The following QRFPR variants were observed in gnomAD, a reference collection of about 807,000 sequenced individuals.
QRFPR encodes pyroglutamylated RFamide peptide receptor, also known as pyroglutamylated RF-amide peptide receptor.
In QRFPR, 37 loss-of-function variants were observed where a neutral mutation model predicts 31.3. That is an observed-to-expected ratio of 1.18 (90% CI 0.91 to 1.56). The LOEUF (loss-of-function observed/expected upper bound fraction) is 1.56, where lower values mean the gene tolerates loss of function less well. Among genes scored for constraint, QRFPR ranks in the 40% most tolerant of loss-of-function variants. The pLI is 0.00. For synonymous variants in QRFPR, 197 were observed against 192.0 expected (o/e 1.03, Z -0.22); for missense variants, 542 against 532.5 (o/e 1.02, Z -0.18).
intron 1 of QRFPR, among the ~76,000 whole-genome samples, chr4:121,380,036 G>A (rs1408046806): frequency 2.0e-5 from 3 of 151,976 alleles, no homozygotes; most frequent in Admixed American, 6.6e-5. Context: ...TAAGCCACAA[G>A]GAGGAAGCAC....
chr4:121,380,767 TC>T lies in QRFPR; in HGVS notation c.-121del. On this transcript the variant is annotated 5_prime_UTR_variant, in exon 1 of 6. Coordinates refer to ENST00000394427, the MANE Select transcript of QRFPR (RefSeq NM_198179.3). Reference sequence around the variant, plus strand: ...CCGCCTCCCTTCCTCTACTCTGGAGTCAGCCGCGCGGGAGGGCTCTAGGCTG... The same window carrying T: ...CCGCCTCCCTTCCTCTACTCTGGAGTAGCCGCGCGGGAGGGCTCTAGGCTG... The T allele has an allele frequency of 1.1e-6, 1 of 937,614 alleles. No individual in the cohort carries two copies. The highest frequency in any genetic ancestry group is 2.7e-5 in the East Asian group (1 of 37,582). The allele number at this position is 937,614 out of a possible 1,614,324, so 58.1% of individuals were successfully genotyped here. A position where few individuals can be genotyped will look rare whatever the true frequency, so the allele number is the denominator to read the frequency against.
Position 121,329,546 on chromosome 4 carries a change from G to T in QRFPR, c.1064C>A (p.Thr355Asn), listed in dbSNP as rs749962394. Residue 355 changes from threonine to asparagine, a missense_variant, in exon 6 of 6, where the codon ACC becomes AAC. Thr to Asn is a moderately conservative substitution (Grantham distance 65). Transcript: ENST00000394427. Reference sequence around the variant, plus strand: ...TCCATGCCTTTGTGCTGGAGAGAAGGTTTTATTTACTATGCAATAACAAAC... The same window carrying T: ...TCCATGCCTTTGTGCTGGAGAGAAGTTTTTATTTACTATGCAATAACAAAC... ...SAVCYCIVNK[T>N]FSPAQRHGNS... 8 of 1,613,674 alleles carry T rather than the reference G, an allele frequency of 5.0e-6. No homozygotes were observed. Among genetic ancestry groups the T allele is most frequent in the Middle Eastern group, 1.7e-4 (1 of 6,056 alleles).
At position 121,352,561 on chromosome 4, in the gene QRFPR, C is replaced by T. The variant is rs61587296; in HGVS notation, c.341-11951G>A. ...GGGGAATTGAAGTTAAAACACTGGCCTAATTTTTTAAAAGTTATTTTTAAT... is the reference window on the plus strand; with the variant it reads ...GGGGAATTGAAGTTAAAACACTGGCTTAATTTTTTAAAAGTTATTTTTAAT... On this transcript the variant is annotated intron_variant, in intron 1 of 5. Coordinates refer to ENST00000394427, the MANE Select transcript of QRFPR (RefSeq NM_198179.3). Among the ~76,000 whole-genome samples the T allele has an allele frequency of 5.7e-3, 870 of 151,982 alleles. 12 individuals are homozygous for T. The highest frequency in any genetic ancestry group is 0.02 in the African/African-American group (838 of 41,466).
In QRFPR at chr4:121,365,248, T is replaced by A. The variant is rs577746592; in HGVS notation, c.340+15060A>T. Among the ~76,000 whole-genome samples, 6 of 146,030 alleles carry A rather than the reference T, an allele frequency of 4.1e-5. No individual in the cohort carries two copies. The Admixed American group carries it at 4.1e-4, about 10-fold the overall frequency. ...GTGGGCGGATCATGAGGTCAGGAGA[T>A]CGAGACTATCCTGGCTAACACAGTG... On this transcript the variant is annotated intron_variant, in intron 1 of 5. Transcript: ENST00000394427.
chr4:121,356,122 T>G (rs1034832953), intron 1 of QRFPR, among the ~76,000 whole-genome samples: 1 of 152,212 alleles, frequency 6.6e-6, no homozygotes, highest in African/African-American at 2.4e-5. Flanking sequence ...GTTGATTTTC[T>G]GTTTAGATGA....
At position 121,363,056 on chromosome 4, in the gene QRFPR, G is replaced by A. The variant is rs552621839; in HGVS notation, c.340+17252C>T. Among the ~76,000 whole-genome samples the A allele has an allele frequency of 1.3e-4, 20 of 150,184 alleles. 2 individuals carry two copies. In the East Asian group the frequency reaches 2.8e-3, roughly 21 times the overall value. On this transcript the variant is annotated intron_variant, in intron 1 of 5. Transcript: ENST00000394427. ...TTAAAGAAGGAGCCAAAACTAGGCC[G>A]GGCAGAGTGGCTCATGCCTGTAATC...
chr4:121,340,636 A>C (rs1216980813), intron 1 of QRFPR, 26 bp from the exon 2 acceptor site: 2 of 1,598,892 alleles, frequency 1.3e-6, no homozygotes, highest in Non-Finnish European at 1.7e-6. Flanking sequence ...AGGACAAATC[A>C]TACATCAAAA....
chr4:121,361,342 A>T (rs887641726), intron 1 of QRFPR, among the ~76,000 whole-genome samples: 4 of 150,092 alleles, frequency 2.7e-5, no homozygotes, highest in Non-Finnish European at 5.9e-5. Context: ...GATGATGTGG[A>T]AGTTAAGCTT....
Position 121,355,519 on chromosome 4 carries a change from T to G in QRFPR, c.341-14909A>C, listed in dbSNP as rs549875153. ...CTGTTCAAGAAAACAACTTTTCCTT[T>G]CATTGATCTTTTGTGTTTTTTAAAA... On this transcript the variant is annotated intron_variant, in intron 1 of 5. Transcript: ENST00000394427. 9.1e-4 allele frequency among the ~76,000 whole-genome samples: 138 copies of G among 152,226 alleles called. 1 individual carries two copies. The highest frequency in any genetic ancestry group is 3.1e-3 in the African/African-American group (128 of 41,572).
In QRFPR at chr4:121,329,121, T is replaced by TCGCCGTATCATTAA; in HGVS notation, c.*192_*193insTTAATGATACGGCG. 8.0e-6 allele frequency: 4 copies of TCGCCGTATCATTAA among 497,822 alleles called. No individual in the cohort carries two copies. Among genetic ancestry groups the TCGCCGTATCATTAA allele is most frequent in the South Asian group, 8.1e-5 (2 of 24,624 alleles). The allele number at this position is 497,822 out of a possible 1,614,324, so 30.8% of individuals were successfully genotyped here. ...AATGAGAAGGAACACAGAAATCTGT[T>TCGCCGTATCATTAA]AAATGATTGTGATCAATTGGTTGTA... On this transcript the variant is annotated 3_prime_UTR_variant, in exon 6 of 6. Transcript: ENST00000394427.
At chr4:121,356,924 G>C (rs1179498041) in intron 1 of QRFPR, among the ~76,000 whole-genome samples, 2 of 151,918 alleles carry the variant, frequency 1.3e-5, no homozygotes, top group East Asian at 3.9e-4. Flanking sequence ...GGGCTGAGAG[G>C]GGGTCTATTC....
chr4:121,329,103 A>T lies in QRFPR; in HGVS notation c.*211T>A. The T allele has an allele frequency of 2.2e-6, 1 of 450,774 alleles. No homozygotes were observed. The highest frequency in any genetic ancestry group is 3.8e-6 in the Non-Finnish European group (1 of 259,992). The allele number at this position is 450,774 out of a possible 1,614,324, so 27.9% of individuals were successfully genotyped here. A position where few individuals can be genotyped will look rare whatever the true frequency, so the allele number is the denominator to read the frequency against. On this transcript the variant is annotated 3_prime_UTR_variant, in exon 6 of 6. Transcript: ENST00000394427. ...GTCAAGTGAAGCAGTGGGAATGAGA[A>T]GGAACACAGAAATCTGTTAAATGAT...
At chr4:121,349,728 T>C (rs1725727888) in intron 1 of QRFPR, among the ~76,000 whole-genome samples, 1 of 152,182 alleles carries the variant, frequency 6.6e-6, no homozygotes, top group Admixed American at 6.5e-5. Flanking sequence ...AACTAAAACA[T>C]AGGAAAGCCA....
intron 1 of QRFPR, among the ~76,000 whole-genome samples, chr4:121,361,422 G>A (rs529769115): frequency 6.7e-6 from 1 of 149,996 alleles, no homozygotes; most frequent in African/African-American, 2.5e-5. Context: ...AGAGAGATAC[G>A]CAGCCATGGT....
chr4:121,368,678 C>CCTGT lies in QRFPR; in HGVS notation c.340+11629_340+11630insACAG, dbSNP rs1377372436. On this transcript the variant is annotated intron_variant, in intron 1 of 5. Transcript: ENST00000394427. ...GGTCCCCTTACTGATAAGGCTGGAGCACAGCACCAGCCATCAACAGGGCCA... is the reference window on the plus strand; with the variant it reads ...GGTCCCCTTACTGATAAGGCTGGAGCCTGTACAGCACCAGCCATCAACAGGGCCA... 1.3e-4 allele frequency among the ~76,000 whole-genome samples: 19 copies of CCTGT among 150,108 alleles called. 2 individuals are homozygous for CCTGT. The highest frequency in any genetic ancestry group is 4.4e-4 in the African/African-American group (18 of 40,614).
intron 1 of QRFPR, among the ~76,000 whole-genome samples, chr4:121,378,007 C>A (rs1045607958): frequency 6.6e-6 from 1 of 152,070 alleles, no homozygotes; most frequent in Non-Finnish European, 1.5e-5. Flanking sequence ...ACCTCTCCCT[C>A]GCACTTCAAT....
chr4:121,371,601 A>G (rs1037045527), intron 1 of QRFPR, among the ~76,000 whole-genome samples: 3 of 152,224 alleles, frequency 2.0e-5, no homozygotes, highest in Non-Finnish European at 2.9e-5. Context: ...AGAGCCACTC[A>G]GAACTCTGGT....
chr4:121,365,592 ATATATATATAATATATATAT>A (rs1560743984), intron 1 of QRFPR, among the ~76,000 whole-genome samples: 191 of 6,086 alleles, frequency 0.031, 16 homozygotes, highest in East Asian at 0.12. Context: ...TATATATATT[ATATATATATAATATATATAT>A]TATATATATT....
Position 121,365,533 on chromosome 4 carries a change from T to A in QRFPR, c.340+14775A>T, listed in dbSNP as rs1243177259. Among the ~76,000 whole-genome samples, 35 of 8,852 alleles carry A rather than the reference T, an allele frequency of 4.0e-3. 1 individual carries two copies. The highest frequency in any genetic ancestry group is 0.016 in the South Asian group (6 of 378). 5.8% of individuals were successfully genotyped at this position (8,852 alleles called of 152,430 possible). On this transcript the variant is annotated intron_variant, in intron 1 of 5. Transcript: ENST00000394427. ...TAATATATATTATATATATTATATA[T>A]AATATATATTATATATAATATATAA... is the stretch of plus-strand genomic sequence containing the variant.
Sources: gnomAD v4.1 joint callset for allele counts (sites outside exome capture counted in the v4.1 genomes callset) on GRCh38, gnomAD v4.1.1 for gene constraint, MANE v1.5 for transcripts, NCBI Gene and HGNC (gene_info 2026-07-23, HGNC 2026-07-21) for gene names.